The following YTHDC2 variants were observed in gnomAD, a reference collection of about 807,000 sequenced individuals.
YTHDC2 encodes the protein YTH N6-methyladenosine RNA binding protein C2.
In YTHDC2, 45 loss-of-function variants were observed where a neutral mutation model predicts 174.9. That is an observed-to-expected ratio of 0.26 (90% confidence interval 0.20 to 0.33). The LOEUF is 0.33. Ranked by LOEUF, YTHDC2 falls within the 10% of genes least tolerant of loss-of-function variation. The pLI is 1.00. For missense variants in YTHDC2, 1,650 were observed against 1,723.7 expected (o/e 0.96, Z 0.76); for synonymous variants, 657 against 574.5 (o/e 1.14, Z -2.05).
intron 4 of YTHDC2, among the ~76,000 whole-genome samples, chr5:113,529,153 C>G (rs994070020): frequency 6.6e-6 from 1 of 152,044 alleles, no homozygotes; most frequent in Non-Finnish European, 1.5e-5. Context: ...TGAAAAATGA[C>G]ACTTTACTGT....
At chr5:113,568,869 T>C (rs973525220) in intron 23 of YTHDC2, among the ~76,000 whole-genome samples, 1 of 152,220 alleles carries the variant, frequency 6.6e-6, no homozygotes, top group African/African-American at 2.4e-5. Context: ...GAATGATTTA[T>C]ATTCCTTTGG....
At chr5:113,544,167 T>A (rs1775684568) in intron 10 of YTHDC2, among the ~76,000 whole-genome samples, 1 of 152,180 alleles carries the variant, frequency 6.6e-6, no homozygotes, top group South Asian at 2.1e-4. Context: ...TTGTTATTTT[T>A]GAGACAAAGT....
At chr5:113,528,395 A>T (rs766086930) in intron 4 of YTHDC2, among the ~76,000 whole-genome samples, 20 of 152,262 alleles carry the variant, frequency 1.3e-4, no homozygotes, top group Non-Finnish European at 2.8e-4. Context: ...ATAAAACAGA[A>T]TGTAAGTAGT....
At chr5:113,538,979 AT>A in intron 7 of YTHDC2, 94 bp from the exon 8 acceptor site, 1 of 612,814 alleles carries the variant, frequency 1.6e-6, no homozygotes. Context: ...GCTTTTGGAT[AT>A]TATACTGAGA....
chr5:113,536,505 A>G (rs1775083088), intron 7 of YTHDC2, among the ~76,000 whole-genome samples: 1 of 152,266 alleles, frequency 6.6e-6, no homozygotes, highest in Admixed American at 6.5e-5. Context: ...AGCCTGGGTG[A>G]CAGAGCAAGA....
chr5:113,567,415 T>TAG, intron 22 of YTHDC2, 118 bp downstream of exon 22: 1 of 342,024 alleles, frequency 2.9e-6, no homozygotes, highest in Non-Finnish European at 4.5e-6. Flanking sequence ...TATATATATA[T>TAG]ATATATATAT....
At chr5:113,543,557 T>C (rs1775631020) in intron 10 of YTHDC2, among the ~76,000 whole-genome samples, 1 of 152,252 alleles carries the variant, frequency 6.6e-6, no homozygotes, top group Non-Finnish European at 1.5e-5. Flanking sequence ...TCTGTTTTTA[T>C]GTTACTGCAG....
chr5:113,522,556 TTAGC>T (rs1159909623), intron 2 of YTHDC2, among the ~76,000 whole-genome samples: 1 of 152,206 alleles, frequency 6.6e-6, no homozygotes, highest in Non-Finnish European at 1.5e-5. Context: ...TGAATTTCAC[TTAGC>T]TAGCATCTTT....
chr5:113,583,046 G>A (rs1412012068), intron 25 of YTHDC2: 1 of 152,144 alleles, frequency 6.6e-6, no homozygotes, highest in East Asian at 1.9e-4. Context: ...GTTATTCTGT[G>A]GTAGAGTTAT....
chr5:113,581,693 T>C lies in YTHDC2; in HGVS notation c.3631T>C (p.Cys1211Arg). 1 of 1,583,672 alleles carries C rather than the reference T, an allele frequency of 6.3e-7. No homozygotes were observed. Among genetic ancestry groups the C allele is most frequent in the Admixed American group, 1.9e-5 (1 of 53,464 alleles). The stretch of plus-strand genomic sequence containing the variant: ...AGCAGATACTGAATTTTCTGATGAG[T>C]GTACTACTGCAGAAAGGTAAATTTA... Reference protein sequence around the residue: ...SSADTEFSDECTTAERVLMKS... With the variant: ...SSADTEFSDERTTAERVLMKS... The change falls in exon 25 of 30, where the codon TGT becomes CGT. Residue 1211 changes from cysteine to arginine, a missense_variant. Coordinates refer to ENST00000161863, the MANE Select transcript of YTHDC2 (RefSeq NM_022828.5).
chr5:113,540,906 AG>A (rs1231058711), intron 8 of YTHDC2, 61 bp from the exon 9 acceptor site: 6 of 1,494,680 alleles, frequency 4.0e-6, no homozygotes, highest in Non-Finnish European at 5.5e-6. Flanking sequence ...ATTTAAACAA[AG>A]GAATACATTT....
intron 6 of YTHDC2, among the ~76,000 whole-genome samples, chr5:113,534,687 T>G (rs1052072927): frequency 1.1e-4 from 17 of 152,130 alleles, no homozygotes; most frequent in Non-Finnish European, 2.9e-5. Context: ...GTGCTTTTCA[T>G]ATATGAAAAT....
At chr5:113,533,547 C>CAA (rs571400800) in intron 5 of YTHDC2, among the ~76,000 whole-genome samples, 1 of 120,440 alleles carries the variant, frequency 8.3e-6, no homozygotes. Context: ...GAAACCGTCT[C>CAA]AAAAAAAAAA....
At chr5:113,524,872 T>C in intron 2 of YTHDC2, 109 bp from the exon 3 acceptor site, 2 of 829,436 alleles carry the variant, frequency 2.4e-6, no homozygotes, top group Non-Finnish European at 3.5e-6. Flanking sequence ...CCCAAAGCAT[T>C]TTGATTTTTT....
At chr5:113,584,696 T>G (rs1778580085) in intron 26 of YTHDC2, among the ~76,000 whole-genome samples, 1 of 152,042 alleles carries the variant, frequency 6.6e-6, no homozygotes, top group Non-Finnish European at 1.5e-5. Context: ...TATTTTAGAA[T>G]GCTTTAAAAC....
intron 17 of YTHDC2, among the ~76,000 whole-genome samples, chr5:113,557,487 A>G (rs554781397): frequency 4.6e-5 from 7 of 152,282 alleles, no homozygotes; most frequent in Admixed American, 3.9e-4. Context: ...TGTCCCTGCT[A>G]TTAATAGTAT....
chr5:113,522,973 G>T (rs758888284), intron 2 of YTHDC2, among the ~76,000 whole-genome samples: 1 of 151,988 alleles, frequency 6.6e-6, no homozygotes, highest in Non-Finnish European at 1.5e-5. Context: ...TGCTTATTAT[G>T]AGGTTTTTTT....
At chr5:113,570,097 A>G (rs1479040968) in intron 23 of YTHDC2, among the ~76,000 whole-genome samples, 1 of 151,464 alleles carries the variant, frequency 6.6e-6, no homozygotes, top group Non-Finnish European at 1.5e-5. Context: ...ACTTTATTTT[A>G]TTTTATTTCA....
intron 17 of YTHDC2, among the ~76,000 whole-genome samples, chr5:113,557,169 G>T (rs1436494492): frequency 1.3e-5 from 2 of 152,068 alleles, no homozygotes; most frequent in Non-Finnish European, 2.9e-5. Flanking sequence ...GGATTTGTGG[G>T]GTTCTTGGAG....
Sources: gnomAD v4.1 joint callset for allele counts (sites outside exome capture counted in the v4.1 genomes callset) on GRCh38, gnomAD v4.1.1 for gene constraint, MANE v1.5 for transcripts, NCBI Gene and HGNC (gene_info 2026-07-23, HGNC 2026-07-21) for gene names.